Variants in NTM observed in about 807,000 individuals in gnomAD.
NTM encodes neurotrimin.
NTM carries 13 observed loss-of-function variants against 42.1 expected under a neutral mutation model. The ratio of observed to expected loss-of-function variants is 0.31; its 90% confidence interval spans 0.20 to 0.49. The LOEUF is 0.49. NTM is among the 20% of genes least tolerant of loss of function. NTM has a pLI of 0.99. For synonymous variants in NTM, 187 were observed against 179.2 expected (o/e 1.04, Z -0.35); for missense variants, 373 against 452.8 (o/e 0.82, Z 1.60).
At chr11:131,646,962 T>A (rs963652058) in intron 1 of NTM, among the ~76,000 whole-genome samples, 1 of 152,200 alleles carries the variant, frequency 6.6e-6, no homozygotes, top group African/African-American at 2.4e-5. Context: ...AGGTCCAGAA[T>A]TAAATGTGGA....
chr11:132,070,513 G>A (rs551351600), intron 2 of NTM, among the ~76,000 whole-genome samples: 4 of 117,388 alleles, frequency 3.4e-5, no homozygotes, highest in Admixed American at 1.7e-4. Flanking sequence ...TAGTTAACAC[G>A]TCACACAGCC....
intron 1 of NTM, among the ~76,000 whole-genome samples, chr11:131,584,228 A>T (rs1022199909): frequency 1.4e-4 from 22 of 152,152 alleles, no homozygotes; most frequent in African/African-American, 5.1e-4. Flanking sequence ...ATCGCATAAA[A>T]CCACTTGCAA....
chr11:131,491,105 C>A (rs570382019), intron 1 of NTM, among the ~76,000 whole-genome samples: 3 of 151,740 alleles, frequency 2.0e-5, no homozygotes, highest in Non-Finnish European at 4.4e-5. Flanking sequence ...GTATCATAGA[C>A]CTTGAAAGAA....
chr11:132,047,307 C>T (rs188506692), intron 2 of NTM, among the ~76,000 whole-genome samples: 1 of 152,220 alleles, frequency 6.6e-6, no homozygotes, highest in Non-Finnish European at 1.5e-5. Flanking sequence ...TCCAGGCCAG[C>T]CTGATGCTGA....
At chr11:131,961,708 A>C (rs1212991526) in intron 2 of NTM, among the ~76,000 whole-genome samples, 1 of 152,174 alleles carries the variant, frequency 6.6e-6, no homozygotes, top group Non-Finnish European at 1.5e-5. Flanking sequence ...GCAGTGAGGC[A>C]GCATCAATAG....
chr11:132,067,752 A>G (rs1793635), intron 2 of NTM, among the ~76,000 whole-genome samples: 20 of 152,020 alleles, frequency 1.3e-4, no homozygotes, highest in African/African-American at 4.6e-4. Context: ...TGGCCTTGCA[A>G]TTCTGGGCTC....
chr11:131,931,062 C>T (rs189262238), intron 2 of NTM, among the ~76,000 whole-genome samples: 7 of 152,108 alleles, frequency 4.6e-5, no homozygotes, highest in Non-Finnish European at 7.4e-5. Flanking sequence ...AGTGGAATTG[C>T]GAGTGACATA....
intron 2 of NTM, among the ~76,000 whole-genome samples, chr11:132,127,386 G>A (rs1226895145): frequency 6.6e-6 from 1 of 152,222 alleles, no homozygotes; most frequent in Non-Finnish European, 1.5e-5. Context: ...GCTGCGGTGA[G>A]CGCATAGAGA....
intron 4 of NTM, among the ~76,000 whole-genome samples, chr11:132,262,528 T>C (rs1393626239): frequency 6.6e-6 from 1 of 152,220 alleles, no homozygotes; most frequent in African/African-American, 2.4e-5. Context: ...TGTTGCCTTC[T>C]TGCTGCTTCC....
At chr11:132,062,413 C>T (rs1337048702) in intron 2 of NTM, among the ~76,000 whole-genome samples, 1 of 152,020 alleles carries the variant, frequency 6.6e-6, no homozygotes, top group Non-Finnish European at 1.5e-5. Context: ...TGGTCCAGTT[C>T]AGAATGTCTA....
At chr11:131,545,327 C>T (rs1269626417) in intron 1 of NTM, among the ~76,000 whole-genome samples, 2 of 151,942 alleles carry the variant, frequency 1.3e-5, no homozygotes, top group Non-Finnish European at 2.9e-5. Context: ...GTCTCCTTTT[C>T]TGTGTATTAG....
rs1352889546 is a variant in NTM, at chr11:131,598,693, T to TTCTTTCTTTC, written c.82+227807_82+227816dup. On this transcript the variant is annotated intron_variant, in intron 1 of 8. Transcript: ENST00000683400. ...CTCTCTTCTCATTTGTTTTCTTTCT[T>TTCTTTCTTTC]TCTTTCTTTCTTTCTTTCTTTCTTT... Among the ~76,000 whole-genome samples the TTCTTTCTTTC allele has an allele frequency of 1.5e-3, 68 of 45,478 alleles. 13 individuals are homozygous for TTCTTTCTTTC. Among genetic ancestry groups the TTCTTTCTTTC allele is most frequent in the East Asian group, 3.7e-3 (3 of 820 alleles). 29.8% of individuals were successfully genotyped at this position (45,478 alleles called of 152,430 possible). A position where few individuals can be genotyped will look rare whatever the true frequency, so the allele number is the denominator to read the frequency against.
rs59029342 is a variant in NTM, at chr11:132,134,755, A to ATCTATATC, written c.168-11526_168-11525insCTATATCT. Reference sequence around the variant, plus strand: ...TATATATATATATATATATATATATATATATCTCACATTTTCTTTATCTAT... The same window carrying ATCTATATC: ...TATATATATATATATATATATATATATCTATATCTATATCTCACATTTTCTTTATCTAT... On this transcript the variant is annotated intron_variant, in intron 2 of 8. Transcript: ENST00000683400. Among the ~76,000 whole-genome samples the ATCTATATC allele has an allele frequency of 6.5e-4, 52 of 80,250 alleles. 2 individuals carry two copies. Among genetic ancestry groups the ATCTATATC allele is most frequent in the Non-Finnish European group, 1.1e-3 (46 of 40,740 alleles). The allele number at this position is 80,250 out of a possible 152,430, so 52.6% of individuals were successfully genotyped here. A position where few individuals can be genotyped will look rare whatever the true frequency, so the allele number is the denominator to read the frequency against.
chr11:132,005,292 C>A (rs1164196991), intron 2 of NTM, among the ~76,000 whole-genome samples: 2 of 152,150 alleles, frequency 1.3e-5, no homozygotes, highest in African/African-American at 4.8e-5. Context: ...GAGAATAAAT[C>A]TTCTCTTGGG....
At chr11:132,213,245 A>G (rs2083196665) in intron 4 of NTM, among the ~76,000 whole-genome samples, 2 of 152,186 alleles carry the variant, frequency 1.3e-5, no homozygotes, top group Admixed American at 1.3e-4. Context: ...CTCAACTCCC[A>G]TGGAAGGGAA....
intron 1 of NTM, among the ~76,000 whole-genome samples, chr11:131,872,362 G>A (rs1039079853): frequency 1.3e-5 from 2 of 152,210 alleles, no homozygotes; most frequent in African/African-American, 4.8e-5. Context: ...GGAATACTTA[G>A]ATTCGTCGAT....
intron 1 of NTM, among the ~76,000 whole-genome samples, chr11:131,707,091 G>A (rs1297386032): frequency 6.6e-6 from 1 of 151,874 alleles, no homozygotes; most frequent in Non-Finnish European, 1.5e-5. Flanking sequence ...ATTCTTCTGT[G>A]TAAATGAAAT....
intron 4 of NTM, among the ~76,000 whole-genome samples, chr11:132,262,404 T>C (rs1002239973): frequency 6.6e-6 from 1 of 152,160 alleles, no homozygotes; most frequent in African/African-American, 2.4e-5. Flanking sequence ...ATACCATAGA[T>C]GGAGTGGCTT....
At chr11:131,692,597 G>A (rs1394820523) in intron 1 of NTM, among the ~76,000 whole-genome samples, 3 of 152,344 alleles carry the variant, frequency 2.0e-5, no homozygotes, top group East Asian at 3.9e-4. Context: ...AAGAGAGAGC[G>A]TTTCCATTTT....
Sources: allele counts gnomAD v4.1 joint callset (sites outside exome capture counted in the v4.1 genomes callset), GRCh38; gene constraint gnomAD v4.1.1; transcripts MANE v1.5; gene names NCBI Gene and HGNC (gene_info 2026-07-23, HGNC 2026-07-21).